The following PCDHGA8 variants were observed in gnomAD, a reference collection of about 807,000 sequenced individuals.
PCDHGA8 encodes protocadherin gamma subfamily A, 8.
Under a neutral mutation model 59.2 loss-of-function variants are expected in PCDHGA8, and 45 were observed. The observed-to-expected ratio is 0.76, with a 90% CI of 0.60 to 0.98. The LOEUF is 0.98. PCDHGA8 is among the 50% of genes least tolerant of loss of function. The pLI is 0.00. For synonymous variants in PCDHGA8, 531 were observed against 519.0 expected (o/e 1.02, Z -0.32); for missense variants, 1,257 against 1,196.2 (o/e 1.05, Z -0.75).
chr5:141,453,676 C>T (rs1387074223), intron 1 of PCDHGA8, among the ~76,000 whole-genome samples: 1 of 152,174 alleles, frequency 6.6e-6, no homozygotes, highest in Admixed American at 6.6e-5. Flanking sequence ...AAAGGTAACA[C>T]ACTATGTAGG....
intron 1 of PCDHGA8, among the ~76,000 whole-genome samples, chr5:141,406,576 A>T (rs909778588): frequency 8.5e-5 from 13 of 152,222 alleles, no homozygotes; most frequent in Non-Finnish European, 8.8e-5. Context: ...CTAGTAAACC[A>T]ATTTTTTCCC....
intron 2 of PCDHGA8, among the ~76,000 whole-genome samples, chr5:141,499,772 C>T (rs1217675128): frequency 1.0e-4 from 15 of 147,946 alleles, no homozygotes; most frequent in Admixed American, 9.0e-4. Context: ...CTGCAGCCTT[C>T]GCCTCCCGGG....
At position 141,398,098 on chromosome 5, in the gene PCDHGA8, C is replaced by T. The variant is rs770737294; in HGVS notation, c.2424+2861C>T. 2.5e-6 allele frequency: 4 copies of T among 1,596,954 alleles called. No homozygotes were observed. In the South Asian group the frequency reaches 4.5e-5, roughly 18 times the overall value. ...TTATTTGTAACCTGGCGTCTCCAGGCTGGTGAGCAAGCTGAGGAGAGCAAG... is the reference window on the plus strand; with the variant it reads ...TTATTTGTAACCTGGCGTCTCCAGGTTGGTGAGCAAGCTGAGGAGAGCAAG... On this transcript the variant is annotated intron_variant, in intron 1 of 3. Transcript: ENST00000398604.
chr5:141,393,057 G>A lies in PCDHGA8; in HGVS notation c.244G>A (p.Gly82Ser), dbSNP rs1273747847. Residue 82 changes from glycine to serine, a missense_variant, in exon 1 of 4, where the codon GGC (glycine) becomes AGC (serine). Gly to Ser is a moderately conservative substitution (Grantham distance 56). Transcript: ENST00000398604. ...GCTCTTTGCTCTGAACCCGCGCAGC[G>A]GCAGCTTGATCACCGCGGGCAGGAT... ...TQLFALNPRS[G>S]SLITAGRIDR... 6 of 1,613,514 alleles carry A rather than the reference G, an allele frequency of 3.7e-6. No homozygotes were observed. The African/African-American group carries it at 4.0e-5, about 11-fold the overall frequency.
chr5:141,392,760 A>C lies in PCDHGA8; in HGVS notation c.-54A>C. ...CCATAGCTGCGGCAAGAAACTAAAT[A>C]AGACCCATTTATGCACAGTGAAGAT... is the stretch of plus-strand genomic sequence containing the variant. On this transcript the variant is annotated 5_prime_UTR_variant, in exon 1 of 4. Coordinates refer to ENST00000398604, the MANE Select transcript of PCDHGA8 (RefSeq NM_032088.2). The C allele has an allele frequency of 6.8e-7, 1 of 1,475,092 alleles. No individual in the cohort carries two copies. Among genetic ancestry groups the C allele is most frequent in the Non-Finnish European group, 9.0e-7 (1 of 1,113,088 alleles). 91.4% of individuals were successfully genotyped at this position (1,475,092 alleles called of 1,614,324 possible). A position where few individuals can be genotyped will look rare whatever the true frequency, so the allele number is the denominator to read the frequency against.
chr5:141,482,071 A>G (rs2099551527), intron 1 of PCDHGA8, among the ~76,000 whole-genome samples: 1 of 145,394 alleles, frequency 6.9e-6, no homozygotes, highest in Non-Finnish European at 1.5e-5. Flanking sequence ...GGCAACAAGA[A>G]CAAAACTCAC....
chr5:141,419,765 G>A, intron 1 of PCDHGA8: 1 of 1,614,016 alleles, frequency 6.2e-7, no homozygotes, highest in Non-Finnish European at 8.5e-7. Context: ...GGGTGACAAG[G>A]ACTCGGTCCG....
Position 141,501,290 on chromosome 5 carries a change from TACACACAC to T in PCDHGA8, c.2484-4066_2484-4059del, listed in dbSNP as rs55762287. 3.7e-3 allele frequency among the ~76,000 whole-genome samples: 499 copies of T among 136,222 alleles called. 2 individuals carry two copies. Among genetic ancestry groups the T allele is most frequent in the Middle Eastern group, 0.033 (9 of 270 alleles). 89.4% of individuals were successfully genotyped at this position (136,222 alleles called of 152,430 possible). On this transcript the variant is annotated intron_variant, in intron 2 of 3. Transcript: ENST00000398604. ...GTCCAGTCTATGGGATATTCCCTTA[TACACACAC>T]ACACACACACACACACACACACACA... is the stretch of plus-strand genomic sequence containing the variant.
chr5:141,450,829 A>ATTT (rs373424450), intron 1 of PCDHGA8, among the ~76,000 whole-genome samples: 12,063 of 134,876 alleles, frequency 0.089, 619 homozygotes, highest in African/African-American at 0.14. Flanking sequence ...TATTATTATT[A>ATTT]TTTTTTTTTT....
At chr5:141,471,506 G>A (rs2099258630) in intron 1 of PCDHGA8, 1 of 152,214 alleles carries the variant, frequency 6.6e-6, no homozygotes, top group South Asian at 2.1e-4. Flanking sequence ...GCAAGAGAGG[G>A]AGTAAAAATA....
chr5:141,425,742 A>T (rs1315830227), intron 1 of PCDHGA8, among the ~76,000 whole-genome samples: 1 of 152,246 alleles, frequency 6.6e-6, no homozygotes, highest in Non-Finnish European at 1.5e-5. Flanking sequence ...GTTTTCCCAC[A>T]AGGTTTTTGT....
At position 141,398,050 on chromosome 5, in the gene PCDHGA8, T is replaced by C. The variant is rs558695876; in HGVS notation, c.2424+2813T>C. Reference sequence around the variant, plus strand: ...ACTGGAACTAAAGCCCGTTCGGAGATCCAAAAATCTACAATACAGAGGTTA... The same window carrying C: ...ACTGGAACTAAAGCCCGTTCGGAGACCCAAAAATCTACAATACAGAGGTTA... On this transcript the variant is annotated intron_variant, in intron 1 of 3. Coordinates refer to ENST00000398604, the MANE Select transcript of PCDHGA8 (RefSeq NM_032088.2). 12 of 1,510,524 alleles carry C rather than the reference T, an allele frequency of 7.9e-6. No individual in the cohort carries two copies. The African/African-American group carries it at 1.1e-4, about 14-fold the overall frequency. 93.6% of individuals were successfully genotyped at this position (1,510,524 alleles called of 1,614,324 possible). A position where few individuals can be genotyped will look rare whatever the true frequency, so the allele number is the denominator to read the frequency against.
rs759576434 is a variant in PCDHGA8 at position 141,432,109 on chromosome 5, G to C, written c.2424+36872G>C. Reference sequence around the variant, plus strand: ...TGGCAGACACCAACGACAACCCGCCGGTCTTCCCTCAGGCCTCCTATTCCG... The same window carrying C: ...TGGCAGACACCAACGACAACCCGCCCGTCTTCCCTCAGGCCTCCTATTCCG... On this transcript the variant is annotated intron_variant, in intron 1 of 3. Transcript: ENST00000398604. The surrounding 1 kb of genome is among the most constrained non-coding windows in gnomAD (Gnocchi z 6.0). 9 of 1,613,972 alleles carry C rather than the reference G, an allele frequency of 5.6e-6. No homozygotes were observed. In the African/African-American group the frequency reaches 9.3e-5, roughly 17 times the overall value.
chr5:141,394,481 T>C lies in PCDHGA8; in HGVS notation c.1668T>C (p.Asn556=), dbSNP rs766569646. The C allele has an allele frequency of 4.3e-6, 7 of 1,614,088 alleles. No individual in the cohort carries two copies. The East Asian group carries it at 6.7e-5, about 15-fold the overall frequency. ...MSLSLFVLDQ[N]DNAPEILYPA... is the part of the protein sequence containing the mutation. ...TGAGCCTGTTCGTGCTGGACCAGAATGACAACGCGCCCGAGATCCTGTACC... is the reference window on the plus strand; with the variant it reads ...TGAGCCTGTTCGTGCTGGACCAGAACGACAACGCGCCCGAGATCCTGTACC... Residue 556 remains asparagine (N), a synonymous_variant, in exon 1 of 4, where the codon AAT becomes AAC. Transcript: ENST00000398604.
At chr5:141,413,417 T>C in intron 1 of PCDHGA8, 18 of 1,614,086 alleles carry the variant, frequency 1.1e-5, no homozygotes, top group Non-Finnish European at 1.5e-5. Context: ...CTTTTCTCTC[T>C]GAACCCGCGC....
Position 141,477,044 on chromosome 5 carries a change from C to T in PCDHGA8, c.2425-17763C>T, listed in dbSNP as rs750525889. ...CGGGATGCTGACAATCAAGGGTCGG[C>T]TGGACTTCGAGGACACCAAACTCCA... On this transcript the variant is annotated intron_variant, in intron 1 of 3. Coordinates refer to ENST00000398604, the MANE Select transcript of PCDHGA8 (RefSeq NM_032088.2). The surrounding 1 kb of genome is among the most constrained non-coding windows in gnomAD (Gnocchi z 4.9). 6.2e-7 allele frequency: 1 copy of T among 1,614,246 alleles called. No individual in the cohort carries two copies. Among genetic ancestry groups the T allele is most frequent in the Non-Finnish European group, 8.5e-7 (1 of 1,180,034 alleles).
At position 141,393,821 on chromosome 5, in the gene PCDHGA8, G is replaced by A; in HGVS notation, c.1008G>A (p.Ser336=). The stretch of plus-strand genomic sequence containing the variant: ...TGGGGAGGACCAAATTGCTCATTTC[G>A]GTGGAAGATGTAAATGACAATAGAC... ...ALLGRTKLLI[S]VEDVNDNRPE... is the part of the protein sequence containing the mutation. Residue 336 remains serine, a synonymous_variant, in exon 1 of 4, where the codon TCG becomes TCA. Coordinates refer to ENST00000398604, the MANE Select transcript of PCDHGA8 (RefSeq NM_032088.2). 1 of 1,613,734 alleles carries A rather than the reference G, an allele frequency of 6.2e-7. No homozygotes were observed. Among genetic ancestry groups the A allele is most frequent in the South Asian group, 1.1e-5 (1 of 91,080 alleles).
At chr5:141,499,726 ACT>A (rs1368224475) in intron 2 of PCDHGA8, among the ~76,000 whole-genome samples, 1 of 128,608 alleles carries the variant, frequency 7.8e-6, no homozygotes, top group African/African-American at 3.0e-5. Flanking sequence ...ACAGAGTCTC[ACT>A]CTCTTGCCCA....
At chr5:141,443,538 G>A (rs768723399) in intron 1 of PCDHGA8, among the ~76,000 whole-genome samples, 2 of 152,118 alleles carry the variant, frequency 1.3e-5, no homozygotes, top group African/African-American at 4.8e-5. Flanking sequence ...TTTAAAGCTT[G>A]GGAAATTGTT....
Sources: allele counts gnomAD v4.1 joint callset (sites outside exome capture counted in the v4.1 genomes callset), GRCh38; gene constraint gnomAD v4.1.1; non-coding constraint Gnocchi (gnomAD v3.1); transcripts MANE v1.5; gene names NCBI Gene and HGNC (gene_info 2026-07-23, HGNC 2026-07-21).